CPA6: variants seen among roughly 807,000 people sequenced by gnomAD.
CPA6 encodes carboxypeptidase A6.
In CPA6, 58 loss-of-function variants were observed where a neutral mutation model predicts 63.3. The ratio of observed to expected loss-of-function variants is 0.92; its 90% CI spans 0.74 to 1.14. The LOEUF (loss-of-function observed/expected upper bound fraction) is 1.14. Ranked by LOEUF, CPA6 falls within the 50% of genes most tolerant of loss-of-function variation. The pLI, the probability that CPA6 is intolerant of heterozygous loss-of-function variation, is 0.00. For synonymous variants in CPA6, 185 were observed against 179.0 expected, an observed-to-expected ratio of 1.03 and a Z score of -0.27; for missense variants, 565 against 526.6, an observed-to-expected ratio of 1.07 and a Z score of -0.71.
rs142840471 is a variant in CPA6 at position 67,433,191 on chromosome 8, C to T, written c.1041+847G>A. On this transcript the variant is annotated intron_variant, in intron 9 of 10. Coordinates refer to ENST00000297770, the MANE Select transcript of CPA6 (RefSeq NM_020361.5). ...AAATTGAATACATTCATGTAACCAC[C>T]ATCCAGGTCAAGGAATAGAACTTCA... Among the ~76,000 whole-genome samples, 807 of 152,352 alleles carry T rather than the reference C, an allele frequency of 5.3e-3. 3 individuals carry two copies. The highest frequency in any genetic ancestry group is 9.1e-3 in the Non-Finnish European group (616 of 68,030).
chr8:67,602,426 T>G (rs903507322), intron 2 of CPA6, among the ~76,000 whole-genome samples: 11 of 152,112 alleles, frequency 7.2e-5, no homozygotes, highest in Admixed American at 2.6e-4. Context: ...TGTTACCTAT[T>G]CAAAAATAAA....
At chr8:67,660,439 C>T (rs540734489) in intron 1 of CPA6, among the ~76,000 whole-genome samples, 221 of 140,612 alleles carry the variant, frequency 1.6e-3, no homozygotes, top group African/African-American at 5.3e-3. Context: ...AAGTGATCTT[C>T]CCACCTCAGG....
chr8:67,507,059 G>T (rs1811945067), intron 5 of CPA6, among the ~76,000 whole-genome samples, 171 bp from the exon 6 acceptor site: 1 of 152,040 alleles, frequency 6.6e-6, no homozygotes, highest in African/African-American at 2.4e-5. Context: ...TCTTTATGCA[G>T]AAACAATATA....
chr8:67,651,819 G>A (rs989915074), intron 1 of CPA6, among the ~76,000 whole-genome samples: 4 of 151,906 alleles, frequency 2.6e-5, no homozygotes, highest in Non-Finnish European at 5.9e-5. Context: ...GTATACATGC[G>A]CCATGTTGGT....
At chr8:67,679,471 T>C (rs995068969) in intron 1 of CPA6, among the ~76,000 whole-genome samples, 16 of 152,240 alleles carry the variant, frequency 1.1e-4, no homozygotes, top group Admixed American at 5.9e-4. Flanking sequence ...TTATTGATAA[T>C]GTAGTAAGCT....
At chr8:67,448,946 T>C (rs1810495794) in intron 8 of CPA6, among the ~76,000 whole-genome samples, 2 of 152,084 alleles carry the variant, frequency 1.3e-5, no homozygotes, top group Non-Finnish European at 2.9e-5. Flanking sequence ...AACATTACTT[T>C]GGTTATATAT....
At chr8:67,506,089 T>C (rs529497401) in intron 6 of CPA6, among the ~76,000 whole-genome samples, 6 of 152,132 alleles carry the variant, frequency 3.9e-5, no homozygotes, top group Non-Finnish European at 5.9e-5. Flanking sequence ...GATATTACAT[T>C]CTTGACAATG....
chr8:67,643,546 GT>G (rs58403492), intron 1 of CPA6, among the ~76,000 whole-genome samples: 51,764 of 150,278 alleles, frequency 0.34, 9,004 homozygotes, highest in South Asian at 0.45. Flanking sequence ...ATATATGGTA[GT>G]TTTTTTTTTA....
intron 1 of CPA6, among the ~76,000 whole-genome samples, chr8:67,659,114 G>A (rs1427890837): frequency 6.6e-6 from 1 of 152,206 alleles, no homozygotes; most frequent in Non-Finnish European, 1.5e-5. Context: ...CCCTATGCTG[G>A]CTGGCCCTGC....
chr8:67,621,581 CTCT>C (rs1433863052), intron 2 of CPA6, among the ~76,000 whole-genome samples: 3 of 152,208 alleles, frequency 2.0e-5, no homozygotes, highest in African/African-American at 7.2e-5. Context: ...AACTCTGTCT[CTCT>C]TCTTCTGTAA....
chr8:67,675,921 A>T (rs866544595), intron 1 of CPA6, among the ~76,000 whole-genome samples: 4 of 152,208 alleles, frequency 2.6e-5, no homozygotes, highest in Admixed American at 6.5e-5. Context: ...GTGTGATCAT[A>T]GTGCACTACA....
chr8:67,588,822 A>T (rs1412603690), intron 2 of CPA6, among the ~76,000 whole-genome samples: 1 of 152,128 alleles, frequency 6.6e-6, no homozygotes, highest in Admixed American at 6.6e-5. Flanking sequence ...AGTGATGGAG[A>T]CTAGAAGCCA....
At chr8:67,500,457 T>A (rs1455236860) in intron 6 of CPA6, among the ~76,000 whole-genome samples, 1 of 152,160 alleles carries the variant, frequency 6.6e-6, no homozygotes, top group Non-Finnish European at 1.5e-5. Context: ...GTGATTTGCA[T>A]ATGTTTTCTC....
intron 2 of CPA6, among the ~76,000 whole-genome samples, chr8:67,623,053 C>A (rs899902344): frequency 1.3e-5 from 2 of 151,918 alleles, no homozygotes; most frequent in East Asian, 1.9e-4. Flanking sequence ...GAGCCTTCAA[C>A]CTTTGCCAAG....
At chr8:67,551,359 C>T (rs968532684) in intron 2 of CPA6, among the ~76,000 whole-genome samples, 3 of 152,140 alleles carry the variant, frequency 2.0e-5, no homozygotes, top group Admixed American at 2.0e-4. Context: ...TCTTGGCTCT[C>T]TATTGTATTC....
intron 1 of CPA6, among the ~76,000 whole-genome samples, chr8:67,740,462 G>A (rs571882080): frequency 6.6e-6 from 1 of 152,292 alleles, no homozygotes; most frequent in African/African-American, 2.4e-5. Flanking sequence ...TTATGTCTCT[G>A]GGGTTGAAAC....
chr8:67,458,578 CT>C (rs1304362006), intron 8 of CPA6, among the ~76,000 whole-genome samples: 1 of 152,190 alleles, frequency 6.6e-6, no homozygotes, highest in Admixed American at 6.5e-5. Context: ...AAATTAAAAA[CT>C]TCTGTTCTGC....
chr8:67,577,262 A>T (rs1813651648), intron 2 of CPA6, among the ~76,000 whole-genome samples: 2 of 152,222 alleles, frequency 1.3e-5, no homozygotes, highest in South Asian at 4.1e-4. Flanking sequence ...TGAGGGTATG[A>T]GTGACAGATG....
intron 1 of CPA6, among the ~76,000 whole-genome samples, chr8:67,668,036 T>C (rs1816268368): frequency 6.6e-6 from 1 of 152,234 alleles, no homozygotes; most frequent in Non-Finnish European, 1.5e-5. Flanking sequence ...ACACATGGGT[T>C]TTAAAAAAGA....
Sources: gnomAD v4.1 joint callset for allele counts (sites outside exome capture counted in the v4.1 genomes callset) on GRCh38, gnomAD v4.1.1 for gene constraint, MANE v1.5 for transcripts, NCBI Gene and HGNC (gene_info 2026-07-23, HGNC 2026-07-21) for gene names.